TAF15: variants seen among roughly 807,000 people sequenced by gnomAD.
TAF15 encodes the protein TATA-binding protein-associated factor 2N.
Under a neutral mutation model 102.5 loss-of-function variants are expected in TAF15, and 37 were observed. That is an observed-to-expected ratio of 0.36 (90% confidence interval 0.28 to 0.47). The LOEUF is 0.47. TAF15 is among the 20% of genes least tolerant of loss of function. The pLI, the probability that TAF15 is intolerant of heterozygous loss-of-function variation, is 0.99. For synonymous variants in TAF15, 273 were observed against 259.2 expected, an observed-to-expected ratio of 1.05 and a Z score of -0.51; for missense variants, 652 against 760.7, an observed-to-expected ratio of 0.86 and a Z score of 1.68.
intron 7 of TAF15, among the ~76,000 whole-genome samples, chr17:35,830,508 G>A (rs1268403049): frequency 6.6e-6 from 1 of 152,164 alleles, no homozygotes; most frequent in Non-Finnish European, 1.5e-5. Flanking sequence ...TTAGCATGTA[G>A]AAAAGGGACT....
chr17:35,820,968 A>G (rs1033144317), intron 5 of TAF15, among the ~76,000 whole-genome samples: 1 of 152,122 alleles, frequency 6.6e-6, no homozygotes, highest in African/African-American at 2.4e-5. Context: ...ATTTTATGCT[A>G]TTTACTTAAT....
chr17:35,844,282 C>T lies in TAF15; in HGVS notation c.1091C>T (p.Ser364Leu). The T allele has an allele frequency of 6.2e-7, 1 of 1,614,128 alleles. No homozygotes were observed. Among genetic ancestry groups the T allele is most frequent in the Non-Finnish European group, 8.5e-7 (1 of 1,180,004 alleles). The part of the protein sequence containing the change: ...KSGDWVCPNP[S>L]CGNMNFARRN... ...ATTATATTTTCCTCCTTTCTTAGGT[C>T]ATGCGGAAATATGAACTTTGCTCGA... Residue 364 changes from serine (S) to leucine (L), a missense_variant and splice_region_variant, in exon 14 of 16, where the codon TCA becomes TTA. Transcript: ENST00000605844.
At chr17:35,833,349 G>A (rs527542466) in intron 7 of TAF15, among the ~76,000 whole-genome samples, 3 of 152,112 alleles carry the variant, frequency 2.0e-5, no homozygotes, top group Non-Finnish European at 4.4e-5. Flanking sequence ...GGTTTTGAAT[G>A]ATTTGAAATT....
chr17:35,843,798 TG>T (rs2087576041), intron 12 of TAF15, among the ~76,000 whole-genome samples: 1 of 152,162 alleles, frequency 6.6e-6, no homozygotes, highest in African/African-American at 2.4e-5. Context: ...CCCAAGTATT[TG>T]GGGGAAGGGA....
chr17:35,823,834 A>G (rs1352274259), intron 6 of TAF15: 1 of 574,532 alleles, frequency 1.7e-6, no homozygotes. Flanking sequence ...ACTTTAGCAG[A>G]ATGGAATTTG....
intron 11 of TAF15, among the ~76,000 whole-genome samples, chr17:35,839,455 C>T (rs1376844486): frequency 1.5e-5 from 2 of 135,760 alleles, no homozygotes; most frequent in Non-Finnish European, 3.1e-5. Flanking sequence ...AATCTCGGCT[C>T]ACTGCAGGCT....
At chr17:35,812,432 A>T (rs113261950) in intron 1 of TAF15, among the ~76,000 whole-genome samples, 7 of 152,018 alleles carry the variant, frequency 4.6e-5, no homozygotes, top group African/African-American at 1.7e-4. Flanking sequence ...CCCCATCTCT[A>T]CTTAAAAAAT....
chr17:35,814,982 A>T (rs1043208562), intron 1 of TAF15, among the ~76,000 whole-genome samples: 1 of 152,196 alleles, frequency 6.6e-6, no homozygotes, highest in African/African-American at 2.4e-5. Context: ...TTAATAGATC[A>T]GGCAAACAGT....
At chr17:35,828,536 C>G (rs1489328388) in intron 7 of TAF15, among the ~76,000 whole-genome samples, 1 of 152,062 alleles carries the variant, frequency 6.6e-6, no homozygotes, top group Non-Finnish European at 1.5e-5. Context: ...GAGTTTGTGA[C>G]TAGATGGGCA....
In TAF15 at chr17:35,820,314, T is replaced by C. The variant is rs1568250018; in HGVS notation, c.185-18T>C. ...AAATCAGAGCCTTCACTAAATGATATACTCATCTAATCTTTAGGTTATTCA... is the reference window on the plus strand; with the variant it reads ...AAATCAGAGCCTTCACTAAATGATACACTCATCTAATCTTTAGGTTATTCA... On this transcript the variant is annotated intron_variant, in intron 4 of 15. Transcript: ENST00000605844. 11 of 1,613,422 alleles carry C rather than the reference T, an allele frequency of 6.8e-6. No individual in the cohort carries two copies. The highest frequency in any genetic ancestry group is 9.3e-6 in the Non-Finnish European group (11 of 1,179,334).
At chr17:35,825,653 AAT>A (rs2087315868) in intron 7 of TAF15, among the ~76,000 whole-genome samples, 2 of 152,186 alleles carry the variant, frequency 1.3e-5, no homozygotes, top group African/African-American at 2.4e-5. Flanking sequence ...AGTCATTATA[AAT>A]ATATTTTCAC....
chr17:35,820,918 A>G (rs1187031023), intron 5 of TAF15, among the ~76,000 whole-genome samples: 2 of 152,176 alleles, frequency 1.3e-5, no homozygotes, highest in Admixed American at 1.3e-4. Flanking sequence ...CAGGTTTTAT[A>G]AAGTTTTTTT....
rs898292767 is a variant in TAF15 at position 35,809,737 on chromosome 17, A to G, written c.7+161A>G. 6 of 946,138 alleles carry G rather than the reference A, an allele frequency of 6.3e-6. No homozygotes were observed. The African/African-American group carries it at 6.5e-5, about 10-fold the overall frequency. The allele number at this position is 946,138 out of a possible 1,614,324, so 58.6% of individuals were successfully genotyped here. ...GCCGCCGCCATGTTGAACTGGAGGC[A>G]CGCACGCTCCCAATGGCTCCCCGGC... On this transcript the variant is annotated intron_variant, in intron 1 of 15. Transcript: ENST00000605844.
intron 7 of TAF15, among the ~76,000 whole-genome samples, chr17:35,828,134 G>A (rs1003067509): frequency 6.6e-6 from 1 of 152,140 alleles, no homozygotes; most frequent in Admixed American, 6.5e-5. Context: ...AATGTGTCAA[G>A]CCTAAAATCC....
chr17:35,818,079 C>T (rs1393917345), intron 2 of TAF15, among the ~76,000 whole-genome samples: 1 of 151,898 alleles, frequency 6.6e-6, no homozygotes, highest in African/African-American at 2.4e-5. Context: ...AGACATGTGC[C>T]ACTCTACTGG....
chr17:35,826,869 T>C (rs2087337051), intron 7 of TAF15, among the ~76,000 whole-genome samples: 1 of 150,490 alleles, frequency 6.6e-6, no homozygotes, highest in East Asian at 1.9e-4. Context: ...AAGTTCATAT[T>C]ATTTTTATGT....
rs1366929952 is a variant in TAF15, at chr17:35,838,833, ATAAATT to A, written c.913+285_913+290del. The stretch of plus-strand genomic sequence containing the variant: ...TATGTTATTTTTTCTTTTTAAAAAA[ATAAATT>A]TAAAAGGTACAGAGATGGCATTTTG... On this transcript the variant is annotated intron_variant, in intron 11 of 15. Coordinates refer to ENST00000605844, the MANE Select transcript of TAF15 (RefSeq NM_139215.3). Among the ~76,000 whole-genome samples, 4 of 152,358 alleles carry A rather than the reference ATAAATT, an allele frequency of 2.6e-5. No individual in the cohort carries two copies. In the East Asian group the frequency reaches 5.8e-4, roughly 22 times the overall value.
chr17:35,815,600 T>C (rs2087185885), intron 1 of TAF15, among the ~76,000 whole-genome samples: 1 of 152,230 alleles, frequency 6.6e-6, no homozygotes, highest in Non-Finnish European at 1.5e-5. Context: ...AAAGAAAATA[T>C]GCTGCGATTA....
chr17:35,824,351 TG>T (rs2087300470), intron 7 of TAF15, 153 bp downstream of exon 7: 2 of 1,054,624 alleles, frequency 1.9e-6, no homozygotes, highest in South Asian at 3.3e-5. Context: ...AAATTAAAAG[TG>T]TATTTTCAGT....
Sources: gnomAD v4.1 joint callset for allele counts (sites outside exome capture counted in the v4.1 genomes callset) on GRCh38, gnomAD v4.1.1 for gene constraint, MANE v1.5 for transcripts, NCBI Gene and HGNC (gene_info 2026-07-23, HGNC 2026-07-21) for gene names.